ATM: variants seen among roughly 807,000 people sequenced by gnomAD.
ATM encodes the protein serine-protein kinase ATM.
A neutral mutation model predicts 387.0 loss-of-function variants in ATM; 308 were observed. The ratio of observed to expected loss-of-function variants is 0.80; its 90% CI spans 0.73 to 0.87. The LOEUF is 0.87. Ranked by LOEUF, ATM falls within the 40% of genes least tolerant of loss-of-function variation. The pLI, the probability that ATM is intolerant of heterozygous loss-of-function variation, is 0.00. For missense variants in ATM, 3,312 were observed against 3,560.9 expected (o/e 0.93, Z 1.78); for synonymous variants, 1,156 against 1,187.3 (o/e 0.97, Z 0.54).
Position 108,317,504 on chromosome 11 carries a change from C to T in ATM, c.6330C>T (p.Asp2110=), listed in dbSNP as rs759029705. The T allele has an allele frequency of 3.7e-6, 6 of 1,609,526 alleles. No homozygotes were observed. Among genetic ancestry groups the T allele is most frequent in the Middle Eastern group, 1.6e-4 (1 of 6,062 alleles). Reference sequence around the variant, plus strand: ...CAGCATGGAGGAATATGCAGTGGGACCATTGCACTTCCGTCAGGTAAGAAA... The same window carrying T: ...CAGCATGGAGGAATATGCAGTGGGATCATTGCACTTCCGTCAGGTAAGAAA... ...YQAAWRNMQW[D]HCTSVSKEVE... Residue 2110 remains aspartate, a synonymous_variant, in exon 43 of 63, where the codon GAC becomes GAT. Transcript: ENST00000675843.
At chr11:108,321,800 ACT>A (rs1491142734) in intron 45 of ATM, among the ~76,000 whole-genome samples, 112 of 152,182 alleles carry the variant, frequency 7.4e-4, no homozygotes, top group African/African-American at 2.6e-3. Flanking sequence ...AAAAAAAAAA[ACT>A]ATGTAGAGAC....
At chr11:108,227,280 G>C in intron 1 of ATM, 1 of 211,272 alleles carries the variant, frequency 4.7e-6, no homozygotes, top group Admixed American at 5.4e-5. Flanking sequence ...CAAAGTGCTG[G>C]GATTACAGGC....
chr11:108,290,953 C>G (rs969906609), intron 29 of ATM, among the ~76,000 whole-genome samples: 1 of 151,826 alleles, frequency 6.6e-6, no homozygotes, highest in African/African-American at 2.4e-5. Flanking sequence ...TGGGGTTGTT[C>G]GGCCGGGTGT....
chr11:108,326,292 A>C, intron 47 of ATM, 67 bp downstream of exon 47: 1 of 1,550,708 alleles, frequency 6.4e-7, no homozygotes, highest in Non-Finnish European at 8.8e-7. Flanking sequence ...TGTACTTTAA[A>C]ATATTTTTAA....
chr11:108,270,969 C>T (rs1240319900), intron 18 of ATM, 95 bp from the exon 19 acceptor site: 14 of 989,568 alleles, frequency 1.4e-5, no homozygotes, highest in Non-Finnish European at 2.0e-5. Flanking sequence ...GCTGGGATTA[C>T]AGGTGTGAGC....
chr11:108,253,739 TA>T, intron 12 of ATM, 74 bp from the exon 13 acceptor site: 2 of 1,048,290 alleles, frequency 1.9e-6, no homozygotes, highest in South Asian at 1.4e-5. Context: ...TTTTCCTTTG[TA>T]ATATATTGCT....
At chr11:108,298,077 AC>A (rs2083220630) in intron 33 of ATM, among the ~76,000 whole-genome samples, 1 of 152,178 alleles carries the variant, frequency 6.6e-6, no homozygotes, top group Non-Finnish European at 1.5e-5. Flanking sequence ...ATAATTAAAA[AC>A]CATTCAAGTC....
chr11:108,264,015 G>T (rs1479809575), intron 16 of ATM, among the ~76,000 whole-genome samples: 12 of 150,032 alleles, frequency 8.0e-5, no homozygotes, highest in Non-Finnish European at 1.6e-4. Context: ...AAAGAGTCCA[G>T]GACCAGATGG....
intron 23 of ATM, 96 bp from the exon 24 acceptor site, chr11:108,280,899 A>G: frequency 1.7e-6 from 2 of 1,146,616 alleles, no homozygotes; most frequent in Non-Finnish European, 2.5e-6. Flanking sequence ...AAATGTGTAT[A>G]GCTTGTCAAA....
At chr11:108,322,252 T>G (rs2085290269) in intron 45 of ATM, among the ~76,000 whole-genome samples, 1 of 152,154 alleles carries the variant, frequency 6.6e-6, no homozygotes. Context: ...CCTCCCAGGT[T>G]CAAGCGATTC....
At position 108,229,230 on chromosome 11, in the gene ATM, C is replaced by T. The variant is rs750597831; in HGVS notation, c.238C>T (p.Pro80Ser). 2 of 1,613,108 alleles carry T rather than the reference C, an allele frequency of 1.2e-6. No individual in the cohort carries two copies. Among genetic ancestry groups the T allele is most frequent in the African/African-American group, 1.3e-5 (1 of 74,824 alleles). ...KETECLRIAK[P>S]NVSASTQASR... is the part of the protein sequence containing the mutation. ...AACAGAATGTCTGAGAATAGCAAAA[C>T]CAAATGTATCAGCCTCAACACAAGC... Residue 80 changes from proline (P) to serine (S), a missense_variant, in exon 4 of 63, where the codon CCA becomes TCA. This residue lies in a region of ATM where 1,791 missense variants were observed against 1,804.5 expected (regional missense o/e 0.99). Coordinates refer to ENST00000675843, the MANE Select transcript of ATM (RefSeq NM_000051.4).
rs637064 is a variant in ATM, at chr11:108,270,182, C to T, written c.2839-882C>T. Among the ~76,000 whole-genome samples the T allele has an allele frequency of 0.53, 79,924 of 151,994 alleles. 21,830 individuals carry two copies. The highest frequency in any genetic ancestry group is 0.73 in the Middle Eastern group (215 of 294). ...CTACCATTATAACTGGTCGTTGCAG[C>T]AGCCCTTTCTGTGCATAGTACCATA... On this transcript the variant is annotated intron_variant, in intron 18 of 62. Transcript: ENST00000675843.
chr11:108,255,659 C>A (rs556150373), intron 13 of ATM, among the ~76,000 whole-genome samples: 2 of 152,246 alleles, frequency 1.3e-5, no homozygotes, highest in South Asian at 4.1e-4. Context: ...CTCCTGACCT[C>A]AGGTGATCTG....
chr11:108,250,225 T>C (rs912208118), intron 9 of ATM, among the ~76,000 whole-genome samples: 1 of 151,878 alleles, frequency 6.6e-6, no homozygotes, highest in Non-Finnish European at 1.5e-5. Context: ...CAATCTTGGC[T>C]CACTACAACC....
intron 34 of ATM, among the ~76,000 whole-genome samples, chr11:108,300,339 A>G (rs1738506517): frequency 6.6e-6 from 1 of 152,174 alleles, no homozygotes. Context: ...AGGGTCTTCT[A>G]TTACTTATTC....
In ATM at chr11:108,325,312, C is replaced by T. The variant is rs2136306738; in HGVS notation, c.6575C>T (p.Ser2192Leu). 1.5e-6 allele frequency: 2 copies of T among 1,362,238 alleles called. No homozygotes were observed. Among genetic ancestry groups the T allele is most frequent in the Non-Finnish European group, 1.0e-6 (1 of 980,650 alleles). 84.4% of individuals were successfully genotyped at this position (1,362,238 alleles called of 1,614,324 possible). The change falls in exon 46 of 63, where the codon TCA becomes TTA. Residue 2192 changes from serine (S) to leucine (L), a missense_variant and splice_region_variant. Around this residue, in one of 4 missense-constraint regions of ATM, gnomAD observed 1,405 missense variants for 1,604.4 expected, o/e 0.88. Coordinates refer to ENST00000675843, the MANE Select transcript of ATM (RefSeq NM_000051.4). ...LESIGELFSR[S>L]VTHRQLSEVY... The stretch of plus-strand genomic sequence containing the variant: ...GAACTCTATGTCGTGGCATTCAGAT[C>T]AGTCACACATAGACAACTCTCTGAA...
intron 16 of ATM, among the ~76,000 whole-genome samples, chr11:108,263,929 A>C (rs1322864445): frequency 6.7e-6 from 1 of 149,756 alleles, no homozygotes; most frequent in Admixed American, 6.7e-5. Flanking sequence ...AGACTAAACC[A>C]GGAAGAAGTT....
chr11:108,365,276 G>A lies in ATM; in HGVS notation c.8988-49G>A, dbSNP rs368240380. ...GTTTTTCAGATTTTCTTATTCCCAA[G>A]GCCTTTAAACTGTTCACCTCACTGA... On this transcript the variant is annotated intron_variant, in intron 62 of 62. Coordinates refer to ENST00000675843, the MANE Select transcript of ATM (RefSeq NM_000051.4). 5 of 1,614,006 alleles carry A rather than the reference G, an allele frequency of 3.1e-6. No homozygotes were observed. In the African/African-American group the frequency reaches 6.7e-5, roughly 22 times the overall value.
At chr11:108,244,644 TA>T in intron 6 of ATM, 143 bp from the exon 7 acceptor site, 3 of 714,724 alleles carry the variant, frequency 4.2e-6, no homozygotes, top group Non-Finnish European at 7.2e-6. Flanking sequence ...TTTTTTTTTT[TA>T]ATGAATAGTT....
Sources: gnomAD v4.1 joint callset for allele counts (sites outside exome capture counted in the v4.1 genomes callset) on GRCh38, gnomAD v4.1.1 for gene constraint, gnomAD v4.1.1 regional missense constraint, MANE v1.5 for transcripts, NCBI Gene and HGNC (gene_info 2026-07-23, HGNC 2026-07-21) for gene names.